Variants in TTN observed in about 807,000 individuals in gnomAD.
TTN encodes connectin.
Under a neutral mutation model 3,223.0 loss-of-function variants are expected in TTN, and 1,525 were observed. The ratio of observed to expected loss-of-function variants is 0.47; its 90% CI spans 0.45 to 0.49. TTN has a LOEUF of 0.49. TTN is among the 20% of genes least tolerant of loss of function. The probability of loss-of-function intolerance (pLI) is 0.00; values close to 1 mark genes in which losing one functional copy is unlikely to be tolerated. For synonymous variants in TTN, 14,094 were observed against 15,161.0 expected, an observed-to-expected ratio of 0.93 and a Z score of 5.17; for missense variants, 40,786 against 43,424.0, an observed-to-expected ratio of 0.94 and a Z score of 5.40.
chr2:178,619,596 G>T, intron 250 of TTN, 25 bp downstream of exon 250: 1 of 1,602,990 alleles, frequency 6.2e-7, no homozygotes. Context: ...ATATTGGAAG[G>T]ATATTTTAAA....
At position 178,598,729 on chromosome 2, in the gene TTN, G is replaced by A. The variant is rs1018091646; in HGVS notation, c.56962+19C>T. 2.5e-6 allele frequency: 4 copies of A among 1,604,298 alleles called. No individual in the cohort carries two copies. Among genetic ancestry groups the A allele is most frequent in the Non-Finnish European group, 3.4e-6 (4 of 1,177,412 alleles). ...TTGGAAAATAAGATTTAAAAAAAAG[G>A]AATGGTTTCCAGGCTTACCAATTGG... On this transcript the variant is annotated intron_variant, in intron 291 of 362. Transcript: ENST00000589042.
chr2:178,777,684 C>G lies in TTN; in HGVS notation c.4480+20G>C. 6.8e-6 allele frequency: 11 copies of G among 1,613,934 alleles called. No individual in the cohort carries two copies. Among genetic ancestry groups the G allele is most frequent in the Non-Finnish European group, 9.3e-6 (11 of 1,179,924 alleles). On this transcript the variant is annotated intron_variant, in intron 25 of 362. Coordinates refer to ENST00000589042, the MANE Select transcript of TTN (RefSeq NM_001267550.2). ...TTTTTGTGTTTTTATGATTCATGAG[C>G]AAAAACTTATCACGCTTACCATCAT...
Position 178,576,514 on chromosome 2 carries a change from A to G in TTN, c.69715+15T>C. On this transcript the variant is annotated intron_variant, in intron 325 of 362. Coordinates refer to ENST00000589042, the MANE Select transcript of TTN (RefSeq NM_001267550.2). The surrounding 1 kb of genome is among the most constrained non-coding windows in gnomAD (Gnocchi z 4.3). ...CACTCTGGAATGAACGGTGTTGAAA[A>G]AGACAAATACTAACATGCTGCATCT... 1 of 1,609,440 alleles carries G rather than the reference A, an allele frequency of 6.2e-7. No homozygotes were observed. Among genetic ancestry groups the G allele is most frequent in the African/African-American group, 1.3e-5 (1 of 74,620 alleles).
chr2:178,725,001 A>G (rs541849781), intron 71 of TTN: 121 of 216,530 alleles, frequency 5.6e-4, no homozygotes, highest in African/African-American at 2.6e-3. Context: ...AATTGTCATT[A>G]ATTTTATGTG....
intron 318 of TTN, 26 bp from the exon 319 acceptor site, chr2:178,579,874 G>A (rs367851139): frequency 6.5e-5 from 104 of 1,612,260 alleles, no homozygotes; most frequent in Non-Finnish European, 8.2e-5. Flanking sequence ...AATGATAAGT[G>A]TAAGCCCCAT....
intron 134 of TTN, 61 bp from the exon 135 acceptor site, chr2:178,682,964 A>G (rs2069834590): frequency 5.1e-6 from 7 of 1,384,272 alleles, no homozygotes; most frequent in African/African-American, 1.5e-5. Flanking sequence ...GATGACTGAT[A>G]GTAACAATGT....
rs371821218 is a variant in TTN at position 178,572,367 on chromosome 2, A to G, written c.73765T>C (p.Tyr24589His). The change falls in exon 326 of 363, where the codon TAC (tyrosine) becomes CAC (histidine). Residue 24589 changes from tyrosine to histidine, a missense_variant. Coordinates refer to ENST00000589042, the MANE Select transcript of TTN (RefSeq NM_001267550.2). ...KVDQLQEGCSYYFRVLAENEY... is the reference protein window; with the variant it reads ...KVDQLQEGCSHYFRVLAENEY... The stretch of plus-strand genomic sequence containing the variant: ...TTTTCTGCGAGAACCCTGAAATAGT[A>G]GCTACAGCCTTCTTGAAGCTGGTCT... The G allele has an allele frequency of 1.7e-5, 28 of 1,612,734 alleles. No homozygotes were observed. Among genetic ancestry groups the G allele is most frequent in the Non-Finnish European group, 2.2e-5 (26 of 1,179,082 alleles).
chr2:178,719,415 T>A lies in TTN; in HGVS notation c.23975A>T (p.Lys7992Ile). The A allele has an allele frequency of 6.2e-7, 1 of 1,613,186 alleles. No homozygotes were observed. Among genetic ancestry groups the A allele is most frequent in the South Asian group, 1.1e-5 (1 of 91,054 alleles). Residue 7992 changes from lysine (K) to isoleucine (I), a missense_variant, in exon 83 of 363, where the codon AAA becomes ATA. Coordinates refer to ENST00000589042, the MANE Select transcript of TTN (RefSeq NM_001267550.2). The part of the protein sequence containing the change: ...IVPPSFIRKL[K>I]DVNAILGASV... ...GGCCCCCAGGATGGCATTCACGTCT[T>A]TCAGCTTGCGGATGAAGGAAGGAGG...
intron 240 of TTN, among the ~76,000 whole-genome samples, chr2:178,626,564 G>A (rs1576621740): frequency 6.6e-6 from 1 of 151,972 alleles, no homozygotes; most frequent in Admixed American, 6.6e-5. Context: ...TCAGAAATAA[G>A]GTTTCATCTA....
intron 250 of TTN, chr2:178,619,161 G>A (rs1455233953): frequency 1.9e-5 from 8 of 413,416 alleles, no homozygotes; most frequent in Non-Finnish European, 3.4e-5. Context: ...TTTTGATAGA[G>A]TAGGCACTGC....
In TTN at chr2:178,580,017, A is replaced by T; in HGVS notation, c.67270T>A (p.Tyr22424Asn). The change falls in exon 318 of 363, where the codon TAC becomes AAC. Residue 22424 changes from tyrosine to asparagine, a missense_variant. Tyr to Asn is a moderately radical substitution (Grantham distance 143, BLOSUM62 -2). Coordinates refer to ENST00000589042, the MANE Select transcript of TTN (RefSeq NM_001267550.2). Reference protein sequence around the residue: ...RVANLEEGKSYFFRVFAENEY... With the variant: ...RVANLEEGKSNFFRVFAENEY... ...TTTTCAGCAAACACTCGGAAGAAGT[A>T]GGATTTTCCCTCCTCCAAATTAGCT... 1 of 1,613,360 alleles carries T rather than the reference A, an allele frequency of 6.2e-7. No homozygotes were observed. The highest frequency in any genetic ancestry group is 1.7e-4 in the Middle Eastern group (1 of 6,052).
Position 178,566,073 on chromosome 2 carries a change from G to A in TTN, c.80059C>T (p.Pro26687Ser). The A allele has an allele frequency of 6.2e-7, 1 of 1,613,646 alleles. No homozygotes were observed. The highest frequency in any genetic ancestry group is 8.5e-7 in the Non-Finnish European group (1 of 1,179,682). The change falls in exon 326 of 363, where the codon CCA becomes TCA. Residue 26687 changes from proline (P) to serine (S), a missense_variant. Coordinates refer to ENST00000589042, the MANE Select transcript of TTN (RefSeq NM_001267550.2). ...ACTTCTTTGACTGCCAAATTCTGTG[G>A]TGGTCCTGGAGTGTCAAGAACTTTC... ...TVKVLDTPGPPQNLAVKEVRK... is the reference protein window; with the variant it reads ...TVKVLDTPGPSQNLAVKEVRK...
At position 178,561,833 on chromosome 2, in the gene TTN, G is replaced by T; in HGVS notation, c.84299C>A (p.Thr28100Lys). 1 of 1,613,650 alleles carries T rather than the reference G, an allele frequency of 6.2e-7. No homozygotes were observed. Among genetic ancestry groups the T allele is most frequent in the Non-Finnish European group, 8.5e-7 (1 of 1,179,744 alleles). ...YIVEKKETTS[T>K]TWHIVSQAVA... ...TGCTTGTGAAACTATGTGCCATGTTGTAGAGGTGGTTTCTTTCTTTTCAAC... is the reference window on the plus strand; with the variant it reads ...TGCTTGTGAAACTATGTGCCATGTTTTAGAGGTGGTTTCTTTCTTTTCAAC... The change falls in exon 326 of 363, where the codon ACA (threonine) becomes AAA (lysine). Residue 28100 changes from threonine (T) to lysine (K), a missense_variant. Physicochemically the swap from Thr to Lys is moderately conservative, Grantham distance 78 (BLOSUM62 -1). Coordinates refer to ENST00000589042, the MANE Select transcript of TTN (RefSeq NM_001267550.2).
Position 178,782,551 on chromosome 2 carries a change from G to A in TTN, c.3152C>T (p.Thr1051Ile), listed in dbSNP as rs1333408578. The A allele has an allele frequency of 6.2e-7, 1 of 1,614,002 alleles. No homozygotes were observed. The highest frequency in any genetic ancestry group is 1.1e-5 in the South Asian group (1 of 91,068). ...CAAAATATTTTACCGTTTCTCTTCT[G>A]TAGTAAATTTCTCAGTCACGGCTGT... ...ETTAVTEKFT[T>I]EEKRFVESRD... is the part of the protein sequence containing the mutation. Residue 1051 changes from threonine (T) to isoleucine (I), a missense_variant, in exon 19 of 363, where the codon ACA becomes ATA. Transcript: ENST00000589042.
chr2:178,605,423 C>A lies in TTN; in HGVS notation c.53872G>T (p.Asp17958Tyr). Residue 17958 changes from aspartate to tyrosine, a missense_variant, in exon 279 of 363, where the codon GAT becomes TAT. Coordinates refer to ENST00000589042, the MANE Select transcript of TTN (RefSeq NM_001267550.2). Reference sequence around the variant, plus strand: ...TATTCAGATTCCGCACCTTCATCATCTTGTATGACTACATTAAGAGGTAGG... The same window carrying A: ...TATTCAGATTCCGCACCTTCATCATATTGTATGACTACATTAAGAGGTAGG... Reference protein sequence around the residue: ...PSLPLNVVIQDDEVPPTIKLR... With the variant: ...PSLPLNVVIQYDEVPPTIKLR... The A allele has an allele frequency of 6.3e-7, 1 of 1,590,688 alleles. No homozygotes were observed. Among genetic ancestry groups the A allele is most frequent in the South Asian group, 1.1e-5 (1 of 87,338 alleles).
In TTN at chr2:178,542,492, C is replaced by T. The variant is rs1695041603; in HGVS notation, c.97264G>A (p.Glu32422Lys). ...GCACCACCGTCCAATTCAGGTGGTT[C>T]CCAGGAAATGGTAATTGATGTAGCA... is the stretch of plus-strand genomic sequence containing the variant. ...IDATSITISW[E>K]PPELDGGAPL... Residue 32422 changes from glutamate (E) to lysine (K), a missense_variant, in exon 349 of 363, where the codon GAA (glutamate) becomes AAA (lysine). Coordinates refer to ENST00000589042, the MANE Select transcript of TTN (RefSeq NM_001267550.2). 6.2e-7 allele frequency: 1 copy of T among 1,612,638 alleles called. No homozygotes were observed. Among genetic ancestry groups the T allele is most frequent in the African/African-American group, 1.3e-5 (1 of 74,858 alleles).
rs1444048732 is a variant in TTN at position 178,597,526 on chromosome 2, G to C, written c.57544+12C>G. 1.2e-6 allele frequency: 2 copies of C among 1,604,542 alleles called. No individual in the cohort carries two copies. The highest frequency in any genetic ancestry group is 4.5e-5 in the East Asian group (2 of 44,398). ...GTTTAAAAAGTTGCACAGACAAATT[G>C]AAAGTATTTACCTAATACATCAACA... On this transcript the variant is annotated intron_variant, in intron 294 of 362. Transcript: ENST00000589042.
rs1302820509 is a variant in TTN at position 178,730,339 on chromosome 2, G to C, written c.18061C>G (p.Gln6021Glu). ...ACCCTTGTGTTGGGATTGACATCTT[G>C]TGACTGTGGCTTTTCCACAAAGTAA... ...PPYFVEKPQS[Q>E]DVNPNTRVQL... The change falls in exon 62 of 363, where the codon CAA (glutamine) becomes GAA (glutamate). Residue 6021 changes from glutamine (Q) to glutamate (E), a missense_variant. Transcript: ENST00000589042. 1 of 1,608,220 alleles carries C rather than the reference G, an allele frequency of 6.2e-7. No homozygotes were observed. Among genetic ancestry groups the C allele is most frequent in the Non-Finnish European group, 8.5e-7 (1 of 1,176,684 alleles).
intron 13 of TTN, among the ~76,000 whole-genome samples, chr2:178,788,903 A>G (rs1193414996): frequency 2.0e-5 from 3 of 152,112 alleles, no homozygotes; most frequent in Non-Finnish European, 2.9e-5. Context: ...AAAGTTTCAT[A>G]CAAAGAAAAT....
Sources: allele counts gnomAD v4.1 joint callset (sites outside exome capture counted in the v4.1 genomes callset), GRCh38; gene constraint gnomAD v4.1.1; non-coding constraint Gnocchi (gnomAD v3.1); transcripts MANE v1.5; gene names NCBI Gene and HGNC (gene_info 2026-07-23, HGNC 2026-07-21).